The following CNTNAP4 variants were observed in gnomAD, a reference collection of about 807,000 sequenced individuals.
CNTNAP4 encodes the protein contactin associated protein family member 4, also known as contactin-associated protein-like 4.
A neutral mutation model predicts 148.4 loss-of-function variants in CNTNAP4; 98 were observed. The observed-to-expected ratio is 0.66, with a 90% confidence interval of 0.56 to 0.78. The LOEUF is 0.78. Ranked by LOEUF, CNTNAP4 falls within the 30% of genes least tolerant of loss-of-function variation. The probability of loss-of-function intolerance (pLI) is 0.00; values close to 1 mark genes in which losing one functional copy is unlikely to be tolerated. For synonymous variants in CNTNAP4, 730 were observed against 565.1 expected, an observed-to-expected ratio of 1.29 and a Z score of -4.14; for missense variants, 1,935 against 1,565.6, an observed-to-expected ratio of 1.24 and a Z score of -3.98.
chr16:76,406,421 CTT>C (rs558499005), intron 3 of CNTNAP4, among the ~76,000 whole-genome samples: 61 of 151,950 alleles, frequency 4.0e-4, no homozygotes, highest in Non-Finnish European at 6.3e-4. Context: ...AATTAATAAC[CTT>C]ACAATGGCCT....
chr16:76,430,546 G>C (rs1373782633), intron 4 of CNTNAP4, among the ~76,000 whole-genome samples: 1 of 152,182 alleles, frequency 6.6e-6, no homozygotes, highest in Non-Finnish European at 1.5e-5. Context: ...GAAAAGTGGT[G>C]TTGGGGAGTG....
chr16:76,460,768 A>T (rs867815231), intron 8 of CNTNAP4, among the ~76,000 whole-genome samples: 1 of 69,274 alleles, frequency 1.4e-5, no homozygotes, highest in Non-Finnish European at 3.1e-5. Flanking sequence ...AAAAAAAAAA[A>T]AAAAAATATA....
chr16:76,296,620 C>G (rs1183090525), intron 1 of CNTNAP4, among the ~76,000 whole-genome samples: 1 of 151,738 alleles, frequency 6.6e-6, no homozygotes, highest in Non-Finnish European at 1.5e-5. Context: ...AGATGCTGAT[C>G]TCAAAATGGA....
intron 17 of CNTNAP4, among the ~76,000 whole-genome samples, chr16:76,522,634 C>CTTCCTTCCTTCCTTCT (rs151001744): frequency 0.08 from 5,820 of 73,104 alleles, 964 homozygotes; most frequent in African/African-American, 0.19. Flanking sequence ...TCCTTCCTTC[C>CTTCCTTCCTTCCTTCT]TTCTTTCTTT....
chr16:76,312,116 T>G (rs1470669459), intron 1 of CNTNAP4, among the ~76,000 whole-genome samples: 1 of 152,170 alleles, frequency 6.6e-6, no homozygotes, highest in Non-Finnish European at 1.5e-5. Context: ...TTTACCAGAT[T>G]CTAGAATATT....
intron 23 of CNTNAP4, chr16:76,557,563 A>T (rs141852259): frequency 2.0e-5 from 3 of 152,218 alleles, no homozygotes; most frequent in African/African-American, 2.4e-5. Context: ...CATTAAGGAG[A>T]TTCTTAAATA....
At chr16:76,288,554 A>G (rs1186034822) in intron 1 of CNTNAP4, among the ~76,000 whole-genome samples, 5 of 152,282 alleles carry the variant, frequency 3.3e-5, no homozygotes, top group African/African-American at 1.2e-4. Context: ...CTCAACTTTA[A>G]TCATTCTCTA....
intron 15 of CNTNAP4, among the ~76,000 whole-genome samples, chr16:76,514,859 A>T (rs368141230): frequency 1.3e-5 from 2 of 152,316 alleles, no homozygotes; most frequent in East Asian, 3.9e-4. Flanking sequence ...GTTAAAATCT[A>T]TATTTTTCAG....
intron 2 of CNTNAP4, among the ~76,000 whole-genome samples, chr16:76,352,282 A>C (rs1241333334): frequency 6.6e-6 from 1 of 152,154 alleles, no homozygotes; most frequent in Non-Finnish European, 1.5e-5. Context: ...ATAAAATTAG[A>C]TAGGACAGTG....
At chr16:76,537,807 TA>T (rs2084275773) in intron 18 of CNTNAP4, among the ~76,000 whole-genome samples, 1 of 152,036 alleles carries the variant, frequency 6.6e-6, no homozygotes, top group South Asian at 2.1e-4. Flanking sequence ...AGTTAAAATT[TA>T]AATAAAAAAG....
At chr16:76,509,831 C>T (rs2082947480) in intron 15 of CNTNAP4, among the ~76,000 whole-genome samples, 1 of 93,020 alleles carries the variant, frequency 1.1e-5, no homozygotes, top group Non-Finnish European at 3.1e-5. Context: ...GATATTTTAC[C>T]TTTTTTTTTG....
rs377019190 is a variant in CNTNAP4 at position 76,481,492 on chromosome 16, C to A, written c.1882+1954C>A. 3.3e-5 allele frequency among the ~76,000 whole-genome samples: 5 copies of A among 152,124 alleles called. No individual in the cohort carries two copies. In the South Asian group the frequency reaches 8.3e-4, roughly 25 times the overall value. ...CCCAGGAGTTCGAGACCAGGCTGGG[C>A]AACATAGTGAGACCCCATCTCTATT... On this transcript the variant is annotated intron_variant, in intron 12 of 23. Transcript: ENST00000611870.
chr16:76,467,642 A>G, intron 10 of CNTNAP4, 119 bp downstream of exon 10: 1 of 839,658 alleles, frequency 1.2e-6, no homozygotes, highest in Non-Finnish European at 1.8e-6. Context: ...TCCACAGGAA[A>G]TGAATTATAT....
At chr16:76,481,899 A>G (rs12596059) in intron 12 of CNTNAP4, among the ~76,000 whole-genome samples, 22 of 152,022 alleles carry the variant, frequency 1.4e-4, no homozygotes, top group South Asian at 1.0e-3. Flanking sequence ...GAGAGGAGAG[A>G]GGCAAGTTGG....
chr16:76,396,072 A>G (rs1259864578), intron 3 of CNTNAP4, among the ~76,000 whole-genome samples: 4 of 152,174 alleles, frequency 2.6e-5, no homozygotes, highest in Admixed American at 6.6e-5. Context: ...AAATAAAATA[A>G]TCTGGACCAT....
At chr16:76,420,845 C>CT (rs894979342) in intron 3 of CNTNAP4, among the ~76,000 whole-genome samples, 51 of 151,124 alleles carry the variant, frequency 3.4e-4, no homozygotes, top group African/African-American at 7.3e-4. Context: ...ATCTCTTCAA[C>CT]TTTTTTTTTA....
chr16:76,309,331 G>C (rs141724445), intron 1 of CNTNAP4, among the ~76,000 whole-genome samples: 43 of 152,106 alleles, frequency 2.8e-4, no homozygotes, highest in African/African-American at 9.4e-4. Flanking sequence ...GTTTGCTGCA[G>C]CAAGGTGGTT....
At chr16:76,461,557 ATACTC>A (rs748287646) in intron 8 of CNTNAP4, among the ~76,000 whole-genome samples, 11 of 152,190 alleles carry the variant, frequency 7.2e-5, no homozygotes, top group Non-Finnish European at 1.0e-4. Context: ...AGTTTGCTAA[ATACTC>A]TATTATCCTA....
intron 3 of CNTNAP4, among the ~76,000 whole-genome samples, chr16:76,378,510 C>T (rs2015653769): frequency 6.6e-6 from 1 of 152,124 alleles, no homozygotes; most frequent in Admixed American, 6.5e-5. Flanking sequence ...TTTGTATGTG[C>T]TGGTAAACTC....
Sources: allele counts gnomAD v4.1 joint callset (sites outside exome capture counted in the v4.1 genomes callset), GRCh38; gene constraint gnomAD v4.1.1; transcripts MANE v1.5; gene names NCBI Gene and HGNC (gene_info 2026-07-23, HGNC 2026-07-21).